Variants in TLN2 observed in about 807,000 individuals in gnomAD.
TLN2 encodes talin-2.
Under a neutral mutation model 294.7 loss-of-function variants are expected in TLN2, and 118 were observed. The ratio of observed to expected loss-of-function variants is 0.40; its 90% CI spans 0.34 to 0.47. TLN2 has a LOEUF of 0.47. Among genes scored for constraint, TLN2 ranks in the 20% least tolerant of loss-of-function variants. The pLI is 0.84. For missense variants in TLN2, 3,083 were observed against 3,282.2 expected, an observed-to-expected ratio of 0.94 and a Z score of 1.48; for synonymous variants, 1,431 against 1,304.5, an observed-to-expected ratio of 1.10 and a Z score of -2.09.
At position 62,841,189 on chromosome 15, in the gene TLN2, C is replaced by T. The variant is rs1051079494; in HGVS notation, c.*579C>T. 1.3e-5 allele frequency: 2 copies of T among 152,800 alleles called. No homozygotes were observed. The highest frequency in any genetic ancestry group is 2.9e-5 in the Non-Finnish European group (2 of 68,202). 9.5% of individuals were successfully genotyped at this position (152,800 alleles called of 1,614,324 possible). ...CGCCCCTGTTTGCACGCTTTCTTGC[C>T]TCCGTGTGTAAGCTCCTTGTACAAC... On this transcript the variant is annotated 3_prime_UTR_variant, in exon 59 of 59. Transcript: ENST00000636159.
At chr15:62,660,947 T>TCAGG (rs1456283595) in intron 9 of TLN2, among the ~76,000 whole-genome samples, 1 of 152,214 alleles carries the variant, frequency 6.6e-6, no homozygotes, top group Non-Finnish European at 1.5e-5. Context: ...GATGGTCTAT[T>TCAGG]CAGGAAGTAG....
intron 1 of TLN2, among the ~76,000 whole-genome samples, chr15:62,432,595 C>T (rs530654341): frequency 1.5e-4 from 23 of 152,142 alleles, no homozygotes; most frequent in African/African-American, 3.4e-4. Flanking sequence ...TGAAAAGAAC[C>T]GGAGGCATGC....
chr15:62,579,850 C>T (rs578213595), intron 1 of TLN2, among the ~76,000 whole-genome samples: 3 of 152,306 alleles, frequency 2.0e-5, no homozygotes, highest in East Asian at 1.9e-4. Context: ...GAATAGTCCT[C>T]GAGCTAATGG....
intron 1 of TLN2, among the ~76,000 whole-genome samples, chr15:62,524,096 T>C (rs1238007728): frequency 6.6e-6 from 1 of 152,222 alleles, no homozygotes; most frequent in African/African-American, 2.4e-5. Flanking sequence ...TTTGTAAACA[T>C]AAATCCCAAT....
At chr15:62,579,706 C>T (rs2044747877) in intron 1 of TLN2, among the ~76,000 whole-genome samples, 1 of 152,130 alleles carries the variant, frequency 6.6e-6, no homozygotes, top group African/African-American at 2.4e-5. Flanking sequence ...TACTTCATTA[C>T]AGATGACAGA....
chr15:62,494,114 A>G (rs2038896024), intron 1 of TLN2, among the ~76,000 whole-genome samples: 1 of 152,110 alleles, frequency 6.6e-6, no homozygotes, highest in Non-Finnish European at 1.5e-5. Context: ...GTGAATTTTT[A>G]TCTTCAGTGC....
chr15:62,406,798 T>C (rs2033434569), intron 1 of TLN2, among the ~76,000 whole-genome samples: 1 of 152,168 alleles, frequency 6.6e-6, no homozygotes, highest in Non-Finnish European at 1.5e-5. Flanking sequence ...TATCCTGTTG[T>C]GTCTGTTTCT....
chr15:62,592,847 A>AG (rs760693812), intron 2 of TLN2, among the ~76,000 whole-genome samples: 6 of 152,194 alleles, frequency 3.9e-5, no homozygotes, highest in Non-Finnish European at 8.8e-5. Flanking sequence ...ATGTGAGAAA[A>AG]GGGTGATTGA....
intron 1 of TLN2, among the ~76,000 whole-genome samples, chr15:62,445,595 TAA>T (rs2035775798): frequency 6.6e-6 from 1 of 152,100 alleles, no homozygotes; most frequent in African/African-American, 2.4e-5. Flanking sequence ...GATGTTCCAA[TAA>T]AAAGTCAGTC....
chr15:62,405,525 T>A (rs1303171130), intron 1 of TLN2, among the ~76,000 whole-genome samples: 1 of 152,244 alleles, frequency 6.6e-6, no homozygotes, highest in Non-Finnish European at 1.5e-5. Flanking sequence ...CTTTTTATTT[T>A]CTTTGGGGTA....
chr15:62,838,833 T>C (rs1316089802), intron 57 of TLN2, 23 bp from the exon 58 acceptor site: 3 of 1,607,026 alleles, frequency 1.9e-6, no homozygotes, highest in South Asian at 1.1e-5. Flanking sequence ...AATGATATAA[T>C]GTATGTTTTG....
rs2070911340 is a variant in TLN2 at position 62,843,521 on chromosome 15, G to A, written c.*2911G>A. ...CAGTCCCTCCAGGTCGGCTGCAGAGGCAGCTGCCCAGCCTGCAGTCTATGC... is the reference window on the plus strand; with the variant it reads ...CAGTCCCTCCAGGTCGGCTGCAGAGACAGCTGCCCAGCCTGCAGTCTATGC... On this transcript the variant is annotated 3_prime_UTR_variant, in exon 59 of 59. Transcript: ENST00000636159. The A allele has an allele frequency of 6.6e-6, 1 of 152,252 alleles. No individual in the cohort carries two copies. Among genetic ancestry groups the A allele is most frequent in the Non-Finnish European group, 1.5e-5 (1 of 68,072 alleles). 9.4% of individuals were successfully genotyped at this position (152,252 alleles called of 1,614,324 possible).
intron 1 of TLN2, among the ~76,000 whole-genome samples, chr15:62,390,938 T>G (rs1333710001): frequency 6.6e-6 from 1 of 152,240 alleles, no homozygotes; most frequent in Non-Finnish European, 1.5e-5. Flanking sequence ...CATGTATGTT[T>G]CACTGCACCG....
chr15:62,450,790 C>T (rs1360668911), intron 1 of TLN2, among the ~76,000 whole-genome samples: 4 of 150,776 alleles, frequency 2.7e-5, no homozygotes, highest in South Asian at 2.1e-4. Context: ...AGGCTGGTCT[C>T]GAACTCCTGG....
intron 1 of TLN2, among the ~76,000 whole-genome samples, chr15:62,580,838 C>T (rs1452376977): frequency 1.2e-5 from 1 of 83,440 alleles, no homozygotes; most frequent in Non-Finnish European, 3.0e-5. Context: ...TTATTTTTTC[C>T]TGCCTTCGCC....
At chr15:62,570,027 T>G (rs2043734772) in intron 1 of TLN2, among the ~76,000 whole-genome samples, 1 of 152,186 alleles carries the variant, frequency 6.6e-6, no homozygotes. Context: ...TTCCTTCTTC[T>G]CTATCTCTCC....
At chr15:62,646,593 C>G (rs917717592) in intron 3 of TLN2, among the ~76,000 whole-genome samples, 4 of 152,182 alleles carry the variant, frequency 2.6e-5, no homozygotes, top group African/African-American at 9.6e-5. Flanking sequence ...TCTTGGTACC[C>G]TTTGGGTTTA....
chr15:62,469,045 C>T (rs1049152971), intron 1 of TLN2, among the ~76,000 whole-genome samples: 2 of 152,158 alleles, frequency 1.3e-5, no homozygotes, highest in East Asian at 3.9e-4. Context: ...ACAATGTTTT[C>T]GTGAAGGCAG....
intron 1 of TLN2, among the ~76,000 whole-genome samples, chr15:62,473,346 C>CT (rs534278190): frequency 0.038 from 5,464 of 144,070 alleles, 128 homozygotes; most frequent in African/African-American, 0.067. Context: ...ACAAAACTGT[C>CT]TTTTTTTTTT....
Sources: gnomAD v4.1 joint callset for allele counts (sites outside exome capture counted in the v4.1 genomes callset) on GRCh38, gnomAD v4.1.1 for gene constraint, MANE v1.5 for transcripts, NCBI Gene and HGNC (gene_info 2026-07-23, HGNC 2026-07-21) for gene names.